The following MACROD1 variants were observed in gnomAD, a reference collection of about 807,000 sequenced individuals.
MACROD1 encodes ADP-ribose glycohydrolase MACROD1.
MACROD1 carries 31 observed loss-of-function variants against 41.4 expected under a neutral mutation model. The ratio of observed to expected loss-of-function variants is 0.75; its 90% CI spans 0.56 to 1.01. The LOEUF (loss-of-function observed/expected upper bound fraction) is 1.01. Ranked by LOEUF, MACROD1 falls within the 50% of genes least tolerant of loss-of-function variation. The pLI, the probability that MACROD1 is intolerant of heterozygous loss-of-function variation, is 0.00. For missense variants in MACROD1, 473 were observed against 460.0 expected, an observed-to-expected ratio of 1.03 and a Z score of -0.26; for synonymous variants, 252 against 203.4, an observed-to-expected ratio of 1.24 and a Z score of -2.03.
intron 3 of MACROD1, among the ~76,000 whole-genome samples, chr11:64,099,585 T>A (rs1944635751): frequency 6.7e-6 from 1 of 150,268 alleles, no homozygotes; most frequent in South Asian, 2.1e-4. Flanking sequence ...GATGGACTGA[T>A]GGAGAGACGG....
At position 64,029,648 on chromosome 11, in the gene MACROD1, C is replaced by T. The variant is rs576796847; in HGVS notation, c.518-14367G>A. On this transcript the variant is annotated intron_variant, in intron 3 of 10. Coordinates refer to ENST00000255681, the MANE Select transcript of MACROD1 (RefSeq NM_014067.4). ...TCCCAGCCCACCCTGCGCAGCTGGCCTCGCCCCCACCCCCCTCTCGGACCC... is the reference window on the plus strand; with the variant it reads ...TCCCAGCCCACCCTGCGCAGCTGGCTTCGCCCCCACCCCCCTCTCGGACCC... Among the ~76,000 whole-genome samples, 6 of 152,194 alleles carry T rather than the reference C, an allele frequency of 3.9e-5. No individual in the cohort carries two copies. The South Asian group carries it at 1.0e-3, about 26-fold the overall frequency.
rs1267200068 is a variant in MACROD1, at chr11:64,112,602, AGAG to A, written c.517+38634_517+38636del. ...AATACTATAGGCAAGCAAGGAACTG[AGAG>A]GAGTATCTGGGAGTTATAATTCTCG... On this transcript the variant is annotated intron_variant, in intron 3 of 10. Coordinates refer to ENST00000255681, the MANE Select transcript of MACROD1 (RefSeq NM_014067.4). 3.6e-3 allele frequency among the ~76,000 whole-genome samples: 550 copies of A among 152,366 alleles called. 2 individuals are homozygous for A. The highest frequency in any genetic ancestry group is 5.9e-3 in the Non-Finnish European group (401 of 68,034).
rs1450178340 is a variant in MACROD1 at position 64,029,651 on chromosome 11, G to T, written c.518-14370C>A. ...CAGCCCACCCTGCGCAGCTGGCCTC[G>T]CCCCCACCCCCCTCTCGGACCCATG... On this transcript the variant is annotated intron_variant, in intron 3 of 10. Coordinates refer to ENST00000255681, the MANE Select transcript of MACROD1 (RefSeq NM_014067.4). Among the ~76,000 whole-genome samples, 4 of 150,672 alleles carry T rather than the reference G, an allele frequency of 2.7e-5. No homozygotes were observed. The East Asian group carries it at 7.8e-4, about 29-fold the overall frequency.
At chr11:64,012,756 G>C (rs987865272) in intron 4 of MACROD1, among the ~76,000 whole-genome samples, 2 of 152,018 alleles carry the variant, frequency 1.3e-5, no homozygotes, top group Non-Finnish European at 2.9e-5. Context: ...GGCTGGTCTC[G>C]AACTCTTGAC....
chr11:64,010,923 G>C (rs1490312392), intron 4 of MACROD1, among the ~76,000 whole-genome samples: 1 of 143,602 alleles, frequency 7.0e-6, no homozygotes, highest in Non-Finnish European at 1.5e-5. Context: ...TGTTGGCCAG[G>C]GTGTTGGCTG....
In MACROD1 at chr11:64,076,586, C is replaced by T. The variant is rs143020996; in HGVS notation, c.518-61305G>A. Among the ~76,000 whole-genome samples the T allele has an allele frequency of 1.5e-3, 228 of 152,330 alleles. 1 individual carries two copies. The Middle Eastern group carries it at 0.017, about 11-fold the overall frequency. The stretch of plus-strand genomic sequence containing the variant: ...CGGCCAGAGAACTTAGTCATCCTCA[C>T]AACAGCCTTATTGGACAGATACTAT... On this transcript the variant is annotated intron_variant, in intron 3 of 10. Transcript: ENST00000255681.
At chr11:64,114,457 A>G (rs1183838365) in intron 3 of MACROD1, among the ~76,000 whole-genome samples, 1 of 149,656 alleles carries the variant, frequency 6.7e-6, no homozygotes, top group African/African-American at 2.5e-5. Context: ...GGATGAATGG[A>G]TGGATAGATG....
intron 3 of MACROD1, among the ~76,000 whole-genome samples, chr11:64,050,606 C>G (rs1001123139): frequency 6.6e-6 from 1 of 152,210 alleles, no homozygotes; most frequent in Non-Finnish European, 1.5e-5. Flanking sequence ...GGCTGTCCAG[C>G]GGTGACCATG....
At position 64,166,071 on chromosome 11, in the gene MACROD1, C is replaced by T. The variant is rs1945841117; in HGVS notation, c.-77G>A. The T allele has an allele frequency of 8.1e-7, 1 of 1,228,626 alleles. No homozygotes were observed. The allele number at this position is 1,228,626 out of a possible 1,614,324, so 76.1% of individuals were successfully genotyped here. A position where few individuals can be genotyped will look rare whatever the true frequency, so the allele number is the denominator to read the frequency against. On this transcript the variant is annotated 5_prime_UTR_variant, in exon 1 of 11. Coordinates refer to ENST00000255681, the MANE Select transcript of MACROD1 (RefSeq NM_014067.4). ...CTCGGGAGTGTCTCTCCCTTATTTA[C>T]TCTGGGACCGGGTGGCGACTGCCAG...
chr11:64,016,420 C>G (rs1240249911), intron 3 of MACROD1, among the ~76,000 whole-genome samples: 1 of 152,258 alleles, frequency 6.6e-6, no homozygotes, highest in Non-Finnish European at 1.5e-5. Flanking sequence ...AGTCCTGGCT[C>G]CCAGACAGGG....
intron 3 of MACROD1, among the ~76,000 whole-genome samples, chr11:64,065,597 G>A (rs1404436497): frequency 1.3e-5 from 2 of 149,962 alleles, no homozygotes; most frequent in Non-Finnish European, 3.0e-5. Flanking sequence ...AGACCATCCT[G>A]GCTAACACGG....
chr11:64,077,998 G>T (rs1007123021), intron 3 of MACROD1, among the ~76,000 whole-genome samples: 1 of 152,192 alleles, frequency 6.6e-6, no homozygotes, highest in African/African-American at 2.4e-5. Context: ...CTCAGCGGGG[G>T]TCCCAGACGC....
chr11:64,133,969 G>A (rs1003140346), intron 3 of MACROD1, among the ~76,000 whole-genome samples: 1 of 152,256 alleles, frequency 6.6e-6, no homozygotes, highest in African/African-American at 2.4e-5. Flanking sequence ...AGGAGAGGGT[G>A]CTCCTGACAG....
intron 3 of MACROD1, among the ~76,000 whole-genome samples, chr11:64,114,993 C>A (rs1944950968): frequency 6.6e-6 from 1 of 152,042 alleles, no homozygotes; most frequent in African/African-American, 2.4e-5. Flanking sequence ...ATGTTCAGTC[C>A]CTGGGGCATG....
chr11:64,139,864 G>A (rs1311631317), intron 3 of MACROD1, among the ~76,000 whole-genome samples: 1 of 151,796 alleles, frequency 6.6e-6, no homozygotes, highest in Non-Finnish European at 1.5e-5. Context: ...GCTGAGGCAG[G>A]AGAATAGCAT....
intron 3 of MACROD1, among the ~76,000 whole-genome samples, chr11:64,018,818 T>C (rs888400424): frequency 6.6e-6 from 1 of 152,116 alleles, no homozygotes; most frequent in African/African-American, 2.4e-5. Context: ...GAGCACTGGT[T>C]GTCACAGCTC....
intron 3 of MACROD1, among the ~76,000 whole-genome samples, chr11:64,112,795 G>T (rs901877376): frequency 6.6e-6 from 1 of 152,146 alleles, no homozygotes; most frequent in African/African-American, 2.4e-5. Flanking sequence ...GGCCAACAGG[G>T]GTGCCACATA....
intron 3 of MACROD1, among the ~76,000 whole-genome samples, chr11:64,053,434 CA>C: frequency 6.6e-6 from 1 of 152,192 alleles, no homozygotes; most frequent in African/African-American, 2.4e-5. Context: ...CCTCCAGGGG[CA>C]CTGAGGTGCA....
rs1355265061 is a variant in MACROD1 at position 64,054,174 on chromosome 11, G to A, written c.518-38893C>T. On this transcript the variant is annotated intron_variant, in intron 3 of 10. Transcript: ENST00000255681. The stretch of plus-strand genomic sequence containing the variant: ...CTAGCCAGGGTCAGGGCAGGGAAGC[G>A]GAAAGGAGGCCCCAACCTCCCTGGG... Among the ~76,000 whole-genome samples the A allele has an allele frequency of 3.9e-5, 6 of 152,304 alleles. No homozygotes were observed. In the Middle Eastern group the frequency reaches 0.01, roughly 259 times the overall value.
Sources: gnomAD v4.1 joint callset for allele counts (sites outside exome capture counted in the v4.1 genomes callset) on GRCh38, gnomAD v4.1.1 for gene constraint, MANE v1.5 for transcripts, NCBI Gene and HGNC (gene_info 2026-07-23, HGNC 2026-07-21) for gene names.